Variants in MECOM observed in about 807,000 individuals in gnomAD.
The protein encoded by MECOM is MDS1 and EVI1 complex locus.
In MECOM, 13 loss-of-function variants were observed where a neutral mutation model predicts 116.3. The ratio of observed to expected loss-of-function variants is 0.11; its 90% CI spans 0.07 to 0.18. The LOEUF (loss-of-function observed/expected upper bound fraction) is 0.18. Among genes scored for constraint, MECOM ranks in the 10% least tolerant of loss-of-function variants. The pLI is 1.00. For missense variants in MECOM, 1,299 were observed against 1,509.0 expected (o/e 0.86, Z 2.31); for synonymous variants, 528 against 535.2 (o/e 0.99, Z 0.19).
At chr3:169,199,872 A>G (rs2149445871) in intron 2 of MECOM, among the ~76,000 whole-genome samples, 1 of 152,222 alleles carries the variant, frequency 6.6e-6, no homozygotes, top group Non-Finnish European at 1.5e-5. Context: ...GCTGTGAGCC[A>G]TGGAAACTGT....
chr3:169,432,559 T>C (rs1362900849), intron 1 of MECOM, among the ~76,000 whole-genome samples: 1 of 152,246 alleles, frequency 6.6e-6, no homozygotes, highest in Non-Finnish European at 1.5e-5. Context: ...CAAACAGACA[T>C]ATACTTTCTT....
intron 1 of MECOM, among the ~76,000 whole-genome samples, chr3:169,608,156 T>C (rs1217781748): frequency 5.9e-5 from 9 of 152,138 alleles, no homozygotes; most frequent in Non-Finnish European, 8.8e-5. Flanking sequence ...AATTAAACTG[T>C]CAACTGTCAG....
Position 169,378,479 on chromosome 3 carries a change from AAG to A in MECOM, c.375+2706_375+2707del, listed in dbSNP as rs1300022142. 1.0e-4 allele frequency among the ~76,000 whole-genome samples: 6 copies of A among 60,088 alleles called. No individual in the cohort carries two copies. In the East Asian group the frequency reaches 1.9e-3, roughly 19 times the overall value. 39.4% of individuals were successfully genotyped at this position (60,088 alleles called of 152,430 possible). On this transcript the variant is annotated intron_variant, in intron 2 of 16. Transcript: ENST00000651503. ...AAAGCAAGCAAGCAAGCAAGCAAGA[AAG>A]AGAGAGAGAAAGAAAGAAAGAAAGA...
At chr3:169,655,405 A>C (rs1215398071) in intron 1 of MECOM, among the ~76,000 whole-genome samples, 1 of 152,204 alleles carries the variant, frequency 6.6e-6, no homozygotes, top group Non-Finnish European at 1.5e-5. Flanking sequence ...GTGACTTACA[A>C]ACTCAATCCA....
At chr3:169,104,853 C>A (rs185080919) in intron 10 of MECOM, among the ~76,000 whole-genome samples, 1 of 152,210 alleles carries the variant, frequency 6.6e-6, no homozygotes, top group East Asian at 1.9e-4. Context: ...GATTACTTTA[C>A]CTCAAACTGT....
At position 169,249,986 on chromosome 3, in the gene MECOM, A is replaced by G. The variant is rs141686554; in HGVS notation, c.376-106154T>C. ...ATTTTTATTGGTACTTACATTCTGC[A>G]TATGATTAAGCACAAACTTGCAAAG... is the stretch of plus-strand genomic sequence containing the variant. On this transcript the variant is annotated intron_variant, in intron 2 of 16. Coordinates refer to ENST00000651503, the MANE Select transcript of MECOM (RefSeq NM_004991.4). 8.3e-3 allele frequency among the ~76,000 whole-genome samples: 1,264 copies of G among 152,312 alleles called. 12 individuals are homozygous for G. The highest frequency in any genetic ancestry group is 0.029 in the African/African-American group (1,191 of 41,572).
intron 1 of MECOM, among the ~76,000 whole-genome samples, chr3:169,419,488 CA>C (rs941637099): frequency 2.6e-5 from 4 of 152,292 alleles, no homozygotes; most frequent in African/African-American, 9.6e-5. Flanking sequence ...TACCTGACTT[CA>C]AACTATACTA....
chr3:169,563,346 G>A (rs1446187966), intron 1 of MECOM, among the ~76,000 whole-genome samples: 1 of 152,140 alleles, frequency 6.6e-6, no homozygotes, highest in Non-Finnish European at 1.5e-5. Context: ...ACTGGCCTGC[G>A]CCATCTCCAA....
intron 2 of MECOM, among the ~76,000 whole-genome samples, chr3:169,370,496 C>T (rs1341366395): frequency 6.6e-6 from 1 of 151,666 alleles, no homozygotes; most frequent in East Asian, 1.9e-4. Flanking sequence ...ACCCCAAAAG[C>T]ATAGGCAATA....
chr3:169,159,557 C>CA (rs1560294736), intron 2 of MECOM, among the ~76,000 whole-genome samples: 1 of 151,394 alleles, frequency 6.6e-6, no homozygotes, highest in Non-Finnish European at 1.5e-5. Flanking sequence ...GATTCCGTCT[C>CA]AAAAAAATAA....
At chr3:169,326,475 A>C (rs1721846048) in intron 2 of MECOM, among the ~76,000 whole-genome samples, 1 of 152,214 alleles carries the variant, frequency 6.6e-6, no homozygotes, top group Non-Finnish European at 1.5e-5. Flanking sequence ...AAGTTAATGA[A>C]ATATTATAGA....
chr3:169,625,862 C>A (rs977676984), intron 1 of MECOM, among the ~76,000 whole-genome samples: 1 of 152,160 alleles, frequency 6.6e-6, no homozygotes, highest in Non-Finnish European at 1.5e-5. Context: ...GAGAGATGAT[C>A]GGAAGTACAG....
chr3:169,550,924 C>T (rs1054755128), intron 1 of MECOM, among the ~76,000 whole-genome samples: 2 of 96,962 alleles, frequency 2.1e-5, no homozygotes, highest in African/African-American at 6.4e-5. Flanking sequence ...CCCGGGTTCA[C>T]GCCATTCTCC....
intron 1 of MECOM, among the ~76,000 whole-genome samples, chr3:169,465,703 T>C (rs1171497901): frequency 6.6e-6 from 1 of 152,206 alleles, no homozygotes; most frequent in Non-Finnish European, 1.5e-5. Flanking sequence ...TTAATATGAC[T>C]TTCTCACCAT....
At chr3:169,431,007 G>A (rs528281500) in intron 1 of MECOM, among the ~76,000 whole-genome samples, 2 of 152,192 alleles carry the variant, frequency 1.3e-5, no homozygotes, top group South Asian at 4.2e-4. Flanking sequence ...TAACATTTTT[G>A]GGCTTGTTTT....
chr3:169,481,661 A>C (rs1289881584), intron 1 of MECOM, among the ~76,000 whole-genome samples: 3 of 32,026 alleles, frequency 9.4e-5, no homozygotes, highest in African/African-American at 5.6e-4. Flanking sequence ...TCCAGTGACA[A>C]ATCTGTGTGT....
At chr3:169,408,108 C>T (rs1256693896) in intron 1 of MECOM, among the ~76,000 whole-genome samples, 3 of 152,146 alleles carry the variant, frequency 2.0e-5, no homozygotes, top group Admixed American at 2.0e-4. Context: ...AAAAACTGTA[C>T]AAAATAGCCC....
chr3:169,318,855 T>C (rs1720279895), intron 2 of MECOM, among the ~76,000 whole-genome samples: 1 of 152,044 alleles, frequency 6.6e-6, no homozygotes, highest in African/African-American at 2.4e-5. Context: ...TCCCAGCACT[T>C]TGAGAGGCCT....
chr3:169,243,272 G>C (rs959995423), intron 2 of MECOM, among the ~76,000 whole-genome samples: 1 of 152,162 alleles, frequency 6.6e-6, no homozygotes, highest in African/African-American at 2.4e-5. Context: ...TATGTGGCTT[G>C]CAGTCTTCCA....
Sources: allele counts gnomAD v4.1 joint callset (sites outside exome capture counted in the v4.1 genomes callset), GRCh38; gene constraint gnomAD v4.1.1; transcripts MANE v1.5; gene names NCBI Gene and HGNC (gene_info 2026-07-23, HGNC 2026-07-21).